PRPF31: variants seen among roughly 807,000 people sequenced by gnomAD.
PRPF31 encodes the protein U4/U6 small nuclear ribonucleoprotein Prp31.
A neutral mutation model predicts 60.4 loss-of-function variants in PRPF31; 12 were observed. That is an observed-to-expected ratio of 0.20 (90% CI 0.13 to 0.32). The LOEUF is 0.32. Among genes scored for constraint, PRPF31 ranks in the 10% least tolerant of loss-of-function variants. The probability of loss-of-function intolerance (pLI) is 1.00; values close to 1 mark genes in which losing one functional copy is unlikely to be tolerated. For synonymous variants in PRPF31, 287 were observed against 287.9 expected, an observed-to-expected ratio of 1.00 and a Z score of 0.03; for missense variants, 431 against 687.1, an observed-to-expected ratio of 0.63 and a Z score of 4.17.
In PRPF31 at chr19:54,124,999, T is replaced by C. The variant is rs1447026925; in HGVS notation, c.855+343T>C. Reference sequence around the variant, plus strand: ...CACGACAAGCAGCGTCGGGTTAGCGTGCAACTGCTCCGAAGACCACCCTCA... The same window carrying C: ...CACGACAAGCAGCGTCGGGTTAGCGCGCAACTGCTCCGAAGACCACCCTCA... On this transcript the variant is annotated intron_variant, in intron 8 of 13. Coordinates refer to ENST00000321030, the MANE Select transcript of PRPF31 (RefSeq NM_015629.4). The C allele has an allele frequency of 6.6e-6, 3 of 453,164 alleles. No individual in the cohort carries two copies. The Admixed American group carries it at 1.0e-4, about 16-fold the overall frequency. 28.1% of individuals were successfully genotyped at this position (453,164 alleles called of 1,614,324 possible). A position where few individuals can be genotyped will look rare whatever the true frequency, so the allele number is the denominator to read the frequency against.
intron 9 of PRPF31, among the ~76,000 whole-genome samples, chr19:54,126,977 G>A (rs1414540907): frequency 5.9e-5 from 9 of 152,134 alleles, no homozygotes; most frequent in Admixed American, 5.2e-4. Flanking sequence ...AAAATTAGCC[G>A]GGTGTGGTGG....
chr19:54,129,999 C>T (rs2074014265), intron 13 of PRPF31, among the ~76,000 whole-genome samples: 1 of 152,168 alleles, frequency 6.6e-6, no homozygotes, highest in South Asian at 2.1e-4. Flanking sequence ...CTTCTTGGAG[C>T]CAGTGGGTGG....
Position 54,126,616 on chromosome 19 carries a change from A to G in PRPF31, c.944A>G (p.Lys315Arg). 1 of 1,613,460 alleles carries G rather than the reference A, an allele frequency of 6.2e-7. No individual in the cohort carries two copies. Among genetic ancestry groups the G allele is most frequent in the Non-Finnish European group, 8.5e-7 (1 of 1,179,756 alleles). The change falls in exon 9 of 14, where the codon AAG becomes AGG. Residue 315 changes from lysine (K) to arginine (R), a missense_variant and splice_region_variant. Lys to Arg is a conservative substitution (Grantham distance 26). Around this residue, in one of 4 missense-constraint regions of PRPF31, gnomAD observed 314 missense variants for 475.3 expected, o/e 0.66. Transcript: ENST00000321030. ...VDSFHESTEG[K>R]VGYELKDEIE... is the part of the protein sequence containing the mutation. Reference sequence around the variant, plus strand: ...AGTTTCCACGAGAGCACAGAAGGGAAGGTGAGGAGGGAAAGGTGAGGGGCG... The same window carrying G: ...AGTTTCCACGAGAGCACAGAAGGGAGGGTGAGGAGGGAAAGGTGAGGGGCG...
At chr19:54,122,446 CAG>C (rs769205442) in intron 4 of PRPF31, 49 bp from the exon 5 acceptor site, 32 of 1,388,354 alleles carry the variant, frequency 2.3e-5, no homozygotes, top group Non-Finnish European at 3.2e-5. Flanking sequence ...GGCCAACCAG[CAG>C]AGTCTACCTT....
At chr19:54,122,985 A>G (rs2073830231) in intron 5 of PRPF31, 1 of 453,738 alleles carries the variant, frequency 2.2e-6, no homozygotes, top group African/African-American at 2.0e-5. Context: ...GGGACGGGGA[A>G]GAGGTCGGAT....
chr19:54,124,327 C>A (rs1470844259), intron 7 of PRPF31, 172 bp from the exon 8 acceptor site: 6 of 716,802 alleles, frequency 8.4e-6, no homozygotes, highest in Non-Finnish European at 9.6e-6. Context: ...TCCTTTGCAT[C>A]TGCCCCTTGC....
At chr19:54,120,674 G>A (rs960925186) in intron 3 of PRPF31, among the ~76,000 whole-genome samples, 1 of 152,148 alleles carries the variant, frequency 6.6e-6, no homozygotes, top group Non-Finnish European at 1.5e-5. Flanking sequence ...GCAGTGGCAC[G>A]ATCCCAGCTC....
chr19:54,121,249 G>A (rs967869895), intron 3 of PRPF31, among the ~76,000 whole-genome samples: 2 of 150,858 alleles, frequency 1.3e-5, no homozygotes, highest in Admixed American at 6.6e-5. Context: ...GTTGCAGTGA[G>A]CTGAGATCAT....
chr19:54,123,660 G>GCACA, intron 6 of PRPF31, 89 bp from the exon 7 acceptor site: 2 of 1,579,976 alleles, frequency 1.3e-6, no homozygotes, highest in Non-Finnish European at 1.7e-6. Context: ...ATACACACAT[G>GCACA]CACACACACA....
intron 5 of PRPF31, 160 bp from the exon 6 acceptor site, chr19:54,123,294 T>G (rs1172144788): frequency 7.2e-6 from 5 of 696,836 alleles, no homozygotes; most frequent in African/African-American, 1.8e-5. Context: ...GCAGGAATGG[T>G]GTGGATGCTT....
At chr19:54,128,826 C>T (rs2073986360) in intron 11 of PRPF31, among the ~76,000 whole-genome samples, 6 of 152,194 alleles carry the variant, frequency 3.9e-5, no homozygotes, top group Admixed American at 3.9e-4. Flanking sequence ...AATGGCCTCC[C>T]AACTCTGAGC....
chr19:54,129,506 G>A, intron 13 of PRPF31, 136 bp downstream of exon 13: 8 of 1,113,318 alleles, frequency 7.2e-6, no homozygotes, highest in Non-Finnish European at 1.0e-5. Flanking sequence ...GGTATGCAGA[G>A]GACGTAGACA....
chr19:54,128,566 T>G (rs113561195), intron 11 of PRPF31, among the ~76,000 whole-genome samples, 189 bp downstream of exon 11: 1 of 147,186 alleles, frequency 6.8e-6, no homozygotes, highest in Non-Finnish European at 1.5e-5. Context: ...TCGCGACCCT[T>G]GGAGCCTGTG....
chr19:54,131,445 G>A lies in PRPF31; in HGVS notation c.*13G>A. On this transcript the variant is annotated 3_prime_UTR_variant, in exon 14 of 14. Transcript: ENST00000321030. ...TATGTCCACCTGAATGACTGCGTGT[G>A]TCCAAGGTGGCTTCCCACTGAAGGG... 1.2e-6 allele frequency: 2 copies of A among 1,613,976 alleles called. No homozygotes were observed. Among genetic ancestry groups the A allele is most frequent in the Non-Finnish European group, 1.7e-6 (2 of 1,179,990 alleles).
At chr19:54,126,110 C>T (rs1013617673) in intron 8 of PRPF31, among the ~76,000 whole-genome samples, 6 of 152,212 alleles carry the variant, frequency 3.9e-5, no homozygotes, top group South Asian at 2.1e-4. Flanking sequence ...GTCTCCCTGG[C>T]CACATGACTT....
In PRPF31 at chr19:54,124,529, A is replaced by G. The variant is rs1486461444; in HGVS notation, c.728A>G (p.Lys243Arg). The stretch of plus-strand genomic sequence containing the variant: ...GCCGGCGGCCTGACCAACCTCTCCA[A>G]GATGCCCGCCTGCAACATCATGCTG... Reference protein sequence around the residue: ...GVAGGLTNLSKMPACNIMLLG... With the variant: ...GVAGGLTNLSRMPACNIMLLG... Residue 243 changes from lysine to arginine, a missense_variant, in exon 8 of 14, where the codon AAG (lysine) becomes AGG (arginine). By Grantham distance (26) the Lys-to-Arg change is conservative. Coordinates refer to ENST00000321030, the MANE Select transcript of PRPF31 (RefSeq NM_015629.4). 1 of 1,610,538 alleles carries G rather than the reference A, an allele frequency of 6.2e-7. No individual in the cohort carries two copies. The highest frequency in any genetic ancestry group is 8.5e-7 in the Non-Finnish European group (1 of 1,179,634).
chr19:54,123,632 G>A, intron 6 of PRPF31, 72 bp downstream of exon 6: 1 of 1,605,550 alleles, frequency 6.2e-7, no homozygotes, highest in Non-Finnish European at 8.5e-7. Context: ...ACACGCAGGT[G>A]TACACACGCA....
intron 11 of PRPF31, among the ~76,000 whole-genome samples, chr19:54,128,616 G>A (rs1026998097): frequency 4.0e-5 from 6 of 149,224 alleles, no homozygotes; most frequent in Admixed American, 6.8e-5. Context: ...CCATCGCCCC[G>A]GGCTCCTTGG....
intron 8 of PRPF31, chr19:54,124,955 T>G: frequency 1.8e-6 from 1 of 551,544 alleles, no homozygotes; most frequent in Non-Finnish European, 3.3e-6. Context: ...CATGAAGCAC[T>G]TACAGTTCAG....
Sources: allele counts gnomAD v4.1 joint callset (sites outside exome capture counted in the v4.1 genomes callset), GRCh38; gene constraint gnomAD v4.1.1; regional missense constraint gnomAD v4.1.1; transcripts MANE v1.5; gene names NCBI Gene and HGNC (gene_info 2026-07-23, HGNC 2026-07-21).